MYH16: variants seen among roughly 807,000 people sequenced by gnomAD.
The protein encoded by MYH16 is myosin heavy chain 16.
chr7:99,283,860 C>G lies in MYH16; in HGVS notation n.3080-13C>G, dbSNP rs945305251. 8.8e-6 allele frequency: 4 copies of G among 453,990 alleles called. No homozygotes were observed. The highest frequency in any genetic ancestry group is 7.1e-5 in the Admixed American group (3 of 42,368). The allele number at this position is 453,990 out of a possible 1,614,324, so 28.1% of individuals were successfully genotyped here. A position where few individuals can be genotyped will look rare whatever the true frequency, so the allele number is the denominator to read the frequency against. On this transcript the variant is annotated splice_polypyrimidine_tract_variant and intron_variant and non_coding_transcript_variant, in intron 24 of 41. Coordinates refer to ENST00000439784, the Ensembl canonical transcript of MYH16. Reference sequence around the variant, plus strand: ...TCCTCGTCTACCTTCTCTTGCTGTTCTTGTCTCTGTAGCTGGAGGATAACT... The same window carrying G: ...TCCTCGTCTACCTTCTCTTGCTGTTGTTGTCTCTGTAGCTGGAGGATAACT...
At position 99,283,068 on chromosome 7, in the gene MYH16, G is replaced by A. The variant is rs547517105; in HGVS notation, n.2993-497G>A. On this transcript the variant is annotated intron_variant and non_coding_transcript_variant, in intron 23 of 41. Transcript: ENST00000439784. ...AATCTCAGAGGAACCTCCAATCACT[G>A]TGACAACCAGAAGCACCCCACCTAT... Among the ~76,000 whole-genome samples, 7 of 152,138 alleles carry A rather than the reference G, an allele frequency of 4.6e-5. No homozygotes were observed. The South Asian group carries it at 8.3e-4, about 18-fold the overall frequency.
At chr7:99,271,655 C>T (rs1232618976) in intron 19 of MYH16, among the ~76,000 whole-genome samples, 1 of 152,180 alleles carries the variant, frequency 6.6e-6, no homozygotes, top group Non-Finnish European at 1.5e-5. Context: ...TAACTTGATA[C>T]ATTCATATAA....
intron 20 of MYH16, among the ~76,000 whole-genome samples, chr7:99,274,766 C>T (rs1440932952): frequency 6.6e-6 from 1 of 151,248 alleles, no homozygotes; most frequent in African/African-American, 2.4e-5. Context: ...CTCCGCCTCC[C>T]GGGTTCAAGT....
At chr7:99,280,885 CA>C (rs1321706286) in exon 23 of MYH16, 1 of 371,048 alleles carries the variant, frequency 2.7e-6, no homozygotes, top group Non-Finnish European at 5.3e-6. Context: ...GGCCCTGGAT[CA>C]CAAGGTCCGT....
At chr7:99,280,205 C>T (rs1792183462) in intron 22 of MYH16, among the ~76,000 whole-genome samples, 1 of 152,248 alleles carries the variant, frequency 6.6e-6, no homozygotes, top group Non-Finnish European at 1.5e-5. Flanking sequence ...TATTAATTTA[C>T]AACTTAAAAT....
chr7:99,285,325 G>A (rs1792262635), intron 26 of MYH16, 57 bp from the exon 9 acceptor site: 2 of 455,596 alleles, frequency 4.4e-6, no homozygotes, highest in Non-Finnish European at 8.8e-6. Flanking sequence ...AGGCTAAGGG[G>A]CTGACTTACT....
At chr7:99,310,776 G>A (rs2150843705), downstream of MYH16, 1 of 152,282 alleles carries the variant, frequency 6.6e-6, no homozygotes, top group East Asian at 1.9e-4. Context: ...TTCAGAGGGA[G>A]AAAATATGAA....
chr7:99,240,496 T>C (rs1791654792), intron 1 of MYH16, among the ~76,000 whole-genome samples: 1 of 152,108 alleles, frequency 6.6e-6, no homozygotes, highest in Non-Finnish European at 1.5e-5. Context: ...CAGAGCAATG[T>C]GTGTTCAGCA....
intron 33 of MYH16, among the ~76,000 whole-genome samples, chr7:99,295,836 GAAAAAAAAAA>G (rs869299904): frequency 2.8e-4 from 16 of 56,792 alleles, no homozygotes; most frequent in South Asian, 1.6e-3. Context: ...TCATCTCTTG[GAAAAAAAAAA>G]AAAAAAAAAA....
intron 7 of MYH16, chr7:99,252,973 T>A (rs1026669653): frequency 6.6e-6 from 1 of 152,250 alleles, no homozygotes; most frequent in African/African-American, 2.4e-5. Context: ...TAAAAAATAT[T>A]AAGAATTTCA....
chr7:99,264,469 G>T (rs1320419489), intron 15 of MYH16, among the ~76,000 whole-genome samples: 6 of 152,156 alleles, frequency 3.9e-5, no homozygotes, highest in Admixed American at 1.3e-4. Context: ...AGGATCATTG[G>T]GCAGAAGAGA....
intron 23 of MYH16, among the ~76,000 whole-genome samples, chr7:99,282,494 A>G (rs905399877): frequency 1.3e-5 from 2 of 151,462 alleles, no homozygotes; most frequent in African/African-American, 4.9e-5. Context: ...TTTTTTTGAG[A>G]CAGGGTCTAG....
intron 4 of MYH16, among the ~76,000 whole-genome samples, chr7:99,249,235 C>A (rs142851089): frequency 6.6e-5 from 10 of 152,130 alleles, no homozygotes; most frequent in Non-Finnish European, 1.5e-4. Context: ...AGCTAGGGGG[C>A]AAAATGCGAA....
At chr7:99,290,780 G>T (rs1325166433) in intron 30 of MYH16, 1 of 150,228 alleles carries the variant, frequency 6.7e-6, no homozygotes, top group Non-Finnish European at 1.5e-5. Flanking sequence ...TCCAGCCTGG[G>T]TGACAAGAAT....
At chr7:99,240,668 T>C (rs1584338443) in intron 1 of MYH16, among the ~76,000 whole-genome samples, 1 of 151,922 alleles carries the variant, frequency 6.6e-6, no homozygotes, top group East Asian at 1.9e-4. Context: ...CTGGGCAACA[T>C]AACGAGGCCC....
At chr7:99,295,243 G>A (rs145439593) in intron 33 of MYH16, among the ~76,000 whole-genome samples, 1,701 of 152,100 alleles carry the variant, frequency 0.011, 28 homozygotes, top group African/African-American at 0.039. Flanking sequence ...GCCGGGCGTG[G>A]TGGCAGGCAC....
chr7:99,302,311 A>T lies in MYH16; in HGVS notation n.5137+507A>T, dbSNP rs1259707975. On this transcript the variant is annotated intron_variant and non_coding_transcript_variant, in intron 38 of 41. Coordinates refer to ENST00000439784, the Ensembl canonical transcript of MYH16. ...AGAGTGACCATCTCAAAAAAAAAAA[A>T]ATATATACACACACACACACACACA... Among the ~76,000 whole-genome samples the T allele has an allele frequency of 6.0e-3, 655 of 109,558 alleles. 19 individuals are homozygous for T. The highest frequency in any genetic ancestry group is 0.025 in the African/African-American group (547 of 21,964). 71.9% of individuals were successfully genotyped at this position (109,558 alleles called of 152,430 possible). A position where few individuals can be genotyped will look rare whatever the true frequency, so the allele number is the denominator to read the frequency against.
At chr7:99,294,514 A>AG (rs1792444682) in intron 33 of MYH16, among the ~76,000 whole-genome samples, 1 of 137,814 alleles carries the variant, frequency 7.3e-6, no homozygotes, top group African/African-American at 3.1e-5. Context: ...AAAAAAAAAA[A>AG]AAAAAAAAAA....
intron 34 of MYH16, among the ~76,000 whole-genome samples, chr7:99,297,157 T>TG (rs1792512302): frequency 6.6e-6 from 1 of 152,080 alleles, no homozygotes; most frequent in Non-Finnish European, 1.5e-5. Flanking sequence ...AATAGCCGGG[T>TG]GTGATAGCTC....
Sources: allele counts gnomAD v4.1 joint callset (sites outside exome capture counted in the v4.1 genomes callset), GRCh38; gene constraint gnomAD v4.1.1; transcripts MANE v1.5; gene names NCBI Gene and HGNC (gene_info 2026-07-23, HGNC 2026-07-21).